ST8SIA4: variants seen among roughly 807,000 people sequenced by gnomAD.
ST8SIA4 encodes the protein ST8 alpha-N-acetyl-neuraminide alpha-2,8-sialyltransferase 4, also known as CMP-N-acetylneuraminate-poly-alpha-2,8-sialyltransferase.
ST8SIA4 carries 15 observed loss-of-function variants against 33.9 expected under a neutral mutation model. The ratio of observed to expected loss-of-function variants is 0.44; its 90% CI spans 0.30 to 0.68. The LOEUF (loss-of-function observed/expected upper bound fraction) is 0.68, where lower values mean the gene tolerates loss of function less well. Ranked by LOEUF, ST8SIA4 falls within the 30% of genes least tolerant of loss-of-function variation. The pLI, the probability that ST8SIA4 is intolerant of heterozygous loss-of-function variation, is 0.10. For synonymous variants in ST8SIA4, 171 were observed against 151.2 expected (o/e 1.13, Z -0.96); for missense variants, 321 against 428.0 (o/e 0.75, Z 2.21).
chr5:100,861,827 A>T (rs1751951259), intron 3 of ST8SIA4, among the ~76,000 whole-genome samples: 1 of 152,142 alleles, frequency 6.6e-6, no homozygotes, highest in African/African-American at 2.4e-5. Context: ...AGAGATTCAA[A>T]TTTTTCTATA....
At chr5:100,867,800 G>C (rs780702667) in intron 3 of ST8SIA4, among the ~76,000 whole-genome samples, 1 of 151,910 alleles carries the variant, frequency 6.6e-6, no homozygotes, top group Non-Finnish European at 1.5e-5. Context: ...GTCCCAGAAA[G>C]ACAGTTGGTT....
chr5:100,885,194 A>G (rs1179640448), intron 3 of ST8SIA4: 1 of 230,156 alleles, frequency 4.3e-6, no homozygotes, highest in African/African-American at 2.3e-5. Flanking sequence ...GTTTGTATCT[A>G]CTTGTTCACA....
intron 2 of ST8SIA4, among the ~76,000 whole-genome samples, chr5:100,887,327 T>C (rs1164864616): frequency 6.6e-6 from 1 of 152,116 alleles, no homozygotes; most frequent in Non-Finnish European, 1.5e-5. Context: ...TAAGTTTTAC[T>C]TGGGCACATG....
At position 100,810,505 on chromosome 5, in the gene ST8SIA4, A is replaced by G. The variant is rs189551449; in HGVS notation, c.*1342T>C. On this transcript the variant is annotated 3_prime_UTR_variant, in exon 5 of 5. Transcript: ENST00000231461. ...CACATTTCAGCTATATCAATCTAAT[A>G]TTTATTCTAAAGGGCAAAATGCTTC... The G allele has an allele frequency of 1.2e-4, 19 of 152,332 alleles. No homozygotes were observed. Among genetic ancestry groups the G allele is most frequent in the Admixed American group, 1.2e-3 (19 of 15,302 alleles). 9.4% of individuals were successfully genotyped at this position (152,332 alleles called of 1,614,324 possible).
At chr5:100,866,929 C>A (rs1406381203) in intron 3 of ST8SIA4, among the ~76,000 whole-genome samples, 1 of 152,032 alleles carries the variant, frequency 6.6e-6, no homozygotes, top group Non-Finnish European at 1.5e-5. Flanking sequence ...TGTTACACTA[C>A]ATGAATTGTC....
Position 100,902,999 on chromosome 5 carries a change from T to A in ST8SIA4, c.-44A>T. On this transcript the variant is annotated 5_prime_UTR_variant, in exon 1 of 5. In the 5' UTR this introduces an upstream ATG that the reference lacks. Coordinates refer to ENST00000231461, the MANE Select transcript of ST8SIA4 (RefSeq NM_005668.6). ...TCCTGGTTGCCCCAGCTCCCGCACCTTCTCTTGATATAAAGGCTCCGTTTT... is the reference window on the plus strand; with the variant it reads ...TCCTGGTTGCCCCAGCTCCCGCACCATCTCTTGATATAAAGGCTCCGTTTT... 2.1e-6 allele frequency: 3 copies of A among 1,415,068 alleles called. No homozygotes were observed. The highest frequency in any genetic ancestry group is 3.0e-6 in the Non-Finnish European group (3 of 999,536). 87.7% of individuals were successfully genotyped at this position (1,415,068 alleles called of 1,614,324 possible).
intron 3 of ST8SIA4, among the ~76,000 whole-genome samples, chr5:100,872,973 A>G (rs1483293173): frequency 6.6e-6 from 1 of 152,042 alleles, no homozygotes; most frequent in Non-Finnish European, 1.5e-5. Context: ...TGCACATAAG[A>G]ATCACCTGGA....
chr5:100,867,852 T>C (rs1460432174), intron 3 of ST8SIA4, among the ~76,000 whole-genome samples: 3 of 151,992 alleles, frequency 2.0e-5, no homozygotes, highest in East Asian at 3.9e-4. Context: ...CAATCAAGCA[T>C]TGGGAAAAAT....
chr5:100,820,117 C>G (rs1470206648), intron 4 of ST8SIA4, among the ~76,000 whole-genome samples: 1 of 152,044 alleles, frequency 6.6e-6, no homozygotes, highest in Non-Finnish European at 1.5e-5. Context: ...ATATTAGGAC[C>G]CAGTTTACCC....
chr5:100,860,740 A>G (rs961742468), intron 3 of ST8SIA4, among the ~76,000 whole-genome samples: 1 of 152,176 alleles, frequency 6.6e-6, no homozygotes. Context: ...TTTAACTGAC[A>G]CTATTATACA....
chr5:100,881,871 G>A (rs1334227565), intron 3 of ST8SIA4, among the ~76,000 whole-genome samples: 1 of 152,150 alleles, frequency 6.6e-6, no homozygotes, highest in Non-Finnish European at 1.5e-5. Flanking sequence ...CATGTAAGAA[G>A]GGCCTTTCGC....
At chr5:100,845,961 A>G (rs1315608447) in intron 4 of ST8SIA4, among the ~76,000 whole-genome samples, 1 of 152,008 alleles carries the variant, frequency 6.6e-6, no homozygotes, top group African/African-American at 2.4e-5. Flanking sequence ...ATTATGATTC[A>G]TCTACTTTTC....
intron 4 of ST8SIA4, among the ~76,000 whole-genome samples, chr5:100,845,820 T>C (rs1751557477): frequency 6.6e-6 from 1 of 152,024 alleles, no homozygotes; most frequent in Non-Finnish European, 1.5e-5. Context: ...TTGATTTCTT[T>C]ATGCAGATTT....
At chr5:100,845,238 A>T (rs1286411733) in intron 4 of ST8SIA4, among the ~76,000 whole-genome samples, 1 of 152,004 alleles carries the variant, frequency 6.6e-6, no homozygotes, top group Non-Finnish European at 1.5e-5. Flanking sequence ...TTTGAAGAAG[A>T]TAAGGACCTG....
intron 3 of ST8SIA4, among the ~76,000 whole-genome samples, chr5:100,869,313 C>G (rs1159570723): frequency 6.6e-6 from 1 of 152,066 alleles, no homozygotes; most frequent in Non-Finnish European, 1.5e-5. Flanking sequence ...ATAACAAGTA[C>G]TTTAAATCAA....
intron 4 of ST8SIA4, among the ~76,000 whole-genome samples, chr5:100,840,867 A>G (rs1034371299): frequency 2.0e-5 from 3 of 151,590 alleles, no homozygotes; most frequent in Non-Finnish European, 4.4e-5. Flanking sequence ...TGTTTTTTCA[A>G]AAAAGATTGT....
At chr5:100,895,286 T>C (rs1752757054) in intron 2 of ST8SIA4, among the ~76,000 whole-genome samples, 1 of 152,068 alleles carries the variant, frequency 6.6e-6, no homozygotes, top group Non-Finnish European at 1.5e-5. Context: ...TTTCAGCTAG[T>C]TGAGAAAACC....
rs143412878 is a variant in ST8SIA4 at position 100,827,059 on chromosome 5, G to A, written c.798-14930C>T. 6.1e-3 allele frequency among the ~76,000 whole-genome samples: 921 copies of A among 151,748 alleles called. 7 individuals carry two copies. Among genetic ancestry groups the A allele is most frequent in the African/African-American group, 0.021 (868 of 41,394 alleles). The stretch of plus-strand genomic sequence containing the variant: ...TGGGCACACTTGTAGGGTGATACAC[G>A]TTAATTCCTTATTAGAAAAACACTT... On this transcript the variant is annotated intron_variant, in intron 4 of 4. Coordinates refer to ENST00000231461, the MANE Select transcript of ST8SIA4 (RefSeq NM_005668.6).
At chr5:100,817,172 T>C (rs1039063905) in intron 4 of ST8SIA4, among the ~76,000 whole-genome samples, 1 of 133,256 alleles carries the variant, frequency 7.5e-6, no homozygotes, top group Non-Finnish European at 1.5e-5. Flanking sequence ...TTTCACCATG[T>C]TGGCCAGGCT....
Sources: allele counts gnomAD v4.1 joint callset (sites outside exome capture counted in the v4.1 genomes callset), GRCh38; gene constraint gnomAD v4.1.1; transcripts MANE v1.5; gene names NCBI Gene and HGNC (gene_info 2026-07-23, HGNC 2026-07-21).